CWC22: variants seen among roughly 807,000 people sequenced by gnomAD.
CWC22 encodes the protein pre-mRNA-splicing factor CWC22 homolog.
In CWC22, 53 loss-of-function variants were observed where a neutral mutation model predicts 117.2. The ratio of observed to expected loss-of-function variants is 0.45; its 90% CI spans 0.36 to 0.57. CWC22 has a LOEUF of 0.57. CWC22 is among the 20% of genes least tolerant of loss of function. The pLI is 0.00. For synonymous variants in CWC22, 360 were observed against 355.6 expected (o/e 1.01, Z -0.14); for missense variants, 980 against 1,068.8 (o/e 0.92, Z 1.16).
intron 8 of CWC22, 87 bp downstream of exon 8, chr2:179,973,106 C>G (rs1478294665): frequency 1.4e-6 from 1 of 717,868 alleles, no homozygotes; most frequent in Non-Finnish European, 2.3e-6. Flanking sequence ...TAAAGCAAAG[C>G]AAAAATAGAG....
At chr2:179,989,030 G>T in intron 2 of CWC22, among the ~76,000 whole-genome samples, 1 of 151,530 alleles carries the variant, frequency 6.6e-6, no homozygotes, top group East Asian at 1.9e-4. Flanking sequence ...CATGAATAAT[G>T]AACACTGTAC....
intron 1 of CWC22, among the ~76,000 whole-genome samples, chr2:179,996,008 G>A (rs984263688): frequency 6.6e-6 from 1 of 152,152 alleles, no homozygotes; most frequent in Non-Finnish European, 1.5e-5. Context: ...ACCAACACAT[G>A]TACAAGACAG....
chr2:179,996,334 G>A (rs1207064287), intron 1 of CWC22, among the ~76,000 whole-genome samples: 1 of 151,966 alleles, frequency 6.6e-6, no homozygotes, highest in African/African-American at 2.4e-5. Flanking sequence ...AAATATGCCT[G>A]GGAAATTTCA....
In CWC22 at chr2:179,954,224, G is replaced by A; in HGVS notation, c.1670C>T (p.Thr557Ile). Residue 557 changes from threonine to isoleucine, a missense_variant, in exon 16 of 20, where the codon ACT becomes ATT. Coordinates refer to ENST00000410053, the MANE Select transcript of CWC22 (RefSeq NM_020943.3). ...VAKMFAHLLYTDSLPWSVLEC... is the reference protein window; with the variant it reads ...VAKMFAHLLYIDSLPWSVLEC... ...ACTTACACTCCATGGAAGTGAATCAGTGTATAAAAGGTGAGCAAACATCTT... is the reference window on the plus strand; with the variant it reads ...ACTTACACTCCATGGAAGTGAATCAATGTATAAAAGGTGAGCAAACATCTT... The A allele has an allele frequency of 1.2e-6, 2 of 1,611,072 alleles. No individual in the cohort carries two copies. Among genetic ancestry groups the A allele is most frequent in the Non-Finnish European group, 1.7e-6 (2 of 1,178,042 alleles).
At chr2:179,946,710 C>G (rs550239452) in intron 19 of CWC22, among the ~76,000 whole-genome samples, 3 of 152,138 alleles carry the variant, frequency 2.0e-5, no homozygotes, top group Non-Finnish European at 4.4e-5. Context: ...ACAATGATCA[C>G]CCAAACTAGC....
intron 1 of CWC22, among the ~76,000 whole-genome samples, chr2:180,000,494 G>T (rs1687819488): frequency 6.6e-6 from 1 of 152,190 alleles, no homozygotes; most frequent in African/African-American, 2.4e-5. Flanking sequence ...TACTTAATAT[G>T]TAGTATAGGC....
intron 19 of CWC22, among the ~76,000 whole-genome samples, chr2:179,946,319 C>T (rs961627283): frequency 2.0e-5 from 3 of 151,578 alleles, no homozygotes; most frequent in Admixed American, 1.3e-4. Context: ...GCTGTGGTGG[C>T]GTCAGCCTGT....
Position 179,954,218 on chromosome 2 carries a change from G to T in CWC22, c.1676C>A (p.Ser559Ter). The T allele has an allele frequency of 6.2e-7, 1 of 1,610,218 alleles. No individual in the cohort carries two copies. The highest frequency in any genetic ancestry group is 8.5e-7 in the Non-Finnish European group (1 of 1,177,652). Residue 559 changes from serine (S) to a stop codon, truncating the protein, a stop_gained, in exon 16 of 20, where the codon TCA becomes TAA. Transcript: ENST00000410053. LOFTEE classifies it high-confidence loss of function. ...KMFAHLLYTDSLPWSVLECIK... is the reference protein window; with the variant it reads ...KMFAHLLYTD ...CCATGTACTTACACTCCATGGAAGT[G>T]AATCAGTGTATAAAAGGTGAGCAAA...
chr2:179,952,578 C>G lies in CWC22; in HGVS notation c.1710G>C (p.Leu570=), dbSNP rs1686479531. ...LPWSVLECIK[L]SEETTTSSSR... Reference sequence around the variant, plus strand: ...TGGATGATGTAGTGGTTTCTTCACTCAGTTTTATACATTCAAGAACCTGAA... The same window carrying G: ...TGGATGATGTAGTGGTTTCTTCACTGAGTTTTATACATTCAAGAACCTGAA... The change falls in exon 17 of 20, where the codon CTG becomes CTC. Residue 570 remains leucine, a synonymous_variant. Coordinates refer to ENST00000410053, the MANE Select transcript of CWC22 (RefSeq NM_020943.3). 1 of 1,466,570 alleles carries G rather than the reference C, an allele frequency of 6.8e-7. No homozygotes were observed. The highest frequency in any genetic ancestry group is 9.1e-7 in the Non-Finnish European group (1 of 1,093,276). The allele number at this position is 1,466,570 out of a possible 1,614,324, so 90.8% of individuals were successfully genotyped here. A position where few individuals can be genotyped will look rare whatever the true frequency, so the allele number is the denominator to read the frequency against.
intron 16 of CWC22, 106 bp downstream of exon 16, chr2:179,954,098 AT>A: frequency 1.3e-6 from 1 of 748,344 alleles, no homozygotes; most frequent in Non-Finnish European, 2.1e-6. Context: ...TACACATTTC[AT>A]TTTAAAGCAC....
At position 179,954,361 on chromosome 2, in the gene CWC22, A is replaced by G; in HGVS notation, c.1537-4T>C. 6.5e-7 allele frequency: 1 copy of G among 1,549,146 alleles called. No individual in the cohort carries two copies. The highest frequency in any genetic ancestry group is 8.8e-7 in the Non-Finnish European group (1 of 1,132,760). On this transcript the variant is annotated splice_polypyrimidine_tract_variant and splice_region_variant and intron_variant, in intron 15 of 19. Transcript: ENST00000410053. ...CTTTCTTTAGCATGCAAAATCGCTA[A>G]TAAATAAAAAATCAGTACCATTAAA...
chr2:179,994,388 T>A (rs944694506), intron 1 of CWC22, among the ~76,000 whole-genome samples: 3 of 152,166 alleles, frequency 2.0e-5, no homozygotes, highest in Non-Finnish European at 4.4e-5. Context: ...AAGAGAACAC[T>A]GAAAGCCAGA....
chr2:179,946,100 C>T (rs1686288135), intron 19 of CWC22, among the ~76,000 whole-genome samples: 1 of 152,074 alleles, frequency 6.6e-6, no homozygotes, highest in South Asian at 2.1e-4. Context: ...TCAGGCTGGT[C>T]TCGAACTCCT....
intron 1 of CWC22, among the ~76,000 whole-genome samples, chr2:179,997,088 G>A (rs1687723265): frequency 1.3e-5 from 2 of 152,040 alleles, no homozygotes; most frequent in Admixed American, 6.6e-5. Context: ...ACAAGATACT[G>A]TTTTATTTTA....
At chr2:179,982,085 G>A in intron 4 of CWC22, 88 bp from the exon 5 acceptor site, 2 of 702,170 alleles carry the variant, frequency 2.8e-6, no homozygotes, top group Non-Finnish European at 4.8e-6. Context: ...GAGACCATAA[G>A]TGGGTCCCAC....
At chr2:179,997,777 C>T (rs928121217) in intron 1 of CWC22, among the ~76,000 whole-genome samples, 19 of 152,076 alleles carry the variant, frequency 1.2e-4, no homozygotes, top group African/African-American at 4.6e-4. Flanking sequence ...AATGAACTAC[C>T]GTAACAAAAT....
intron 2 of CWC22, among the ~76,000 whole-genome samples, chr2:179,992,222 T>C (rs1439317610): frequency 6.6e-6 from 1 of 152,190 alleles, no homozygotes; most frequent in Non-Finnish European, 1.5e-5. Flanking sequence ...TTTAAATCCA[T>C]GCAGTTGAAG....
chr2:179,993,837 T>C (rs975335287), intron 1 of CWC22, among the ~76,000 whole-genome samples: 2 of 152,146 alleles, frequency 1.3e-5, no homozygotes, highest in Non-Finnish European at 2.9e-5. Flanking sequence ...AGAAACTCTA[T>C]ATAAACTGAG....
intron 1 of CWC22, among the ~76,000 whole-genome samples, chr2:180,000,007 G>A (rs1380809201): frequency 1.3e-5 from 2 of 152,092 alleles, no homozygotes; most frequent in Non-Finnish European, 2.9e-5. Flanking sequence ...CCTTTTCAGG[G>A]AACAAATAGG....
Sources: gnomAD v4.1 joint callset for allele counts (sites outside exome capture counted in the v4.1 genomes callset) on GRCh38, gnomAD v4.1.1 for gene constraint, MANE v1.5 for transcripts, NCBI Gene and HGNC (gene_info 2026-07-23, HGNC 2026-07-21) for gene names.